Variants in CDKAL1 observed in about 807,000 individuals in gnomAD.
CDKAL1 encodes the protein CDKAL1 threonylcarbamoyladenosine tRNA methylthiotransferase, also known as threonylcarbamoyladenosine tRNA methylthiotransferase.
In CDKAL1, 32 loss-of-function variants were observed where a neutral mutation model predicts 68.2. That is an observed-to-expected ratio of 0.47 (90% CI 0.35 to 0.63). The LOEUF is 0.63. Ranked by LOEUF, CDKAL1 falls within the 30% of genes least tolerant of loss-of-function variation. The probability of loss-of-function intolerance (pLI) is 0.00; values close to 1 mark genes in which losing one functional copy is unlikely to be tolerated. For missense variants in CDKAL1, 606 were observed against 696.7 expected (o/e 0.87, Z 1.47); for synonymous variants, 234 against 244.3 (o/e 0.96, Z 0.39).
At chr6:21,117,395 T>G (rs146678901) in intron 13 of CDKAL1, among the ~76,000 whole-genome samples, 1,592 of 152,004 alleles carry the variant, frequency 0.01, 23 homozygotes, top group African/African-American at 0.036. Flanking sequence ...CCCAGCATTT[T>G]GAGAGGTCAG....
chr6:21,092,989 T>C (rs1271444260), intron 12 of CDKAL1, among the ~76,000 whole-genome samples: 2 of 150,234 alleles, frequency 1.3e-5, no homozygotes, highest in Non-Finnish European at 3.0e-5. Flanking sequence ...AAAGAACAAA[T>C]CTGGGAAGGG....
At chr6:21,043,239 C>T (rs1770031948) in intron 11 of CDKAL1, among the ~76,000 whole-genome samples, 1 of 152,112 alleles carries the variant, frequency 6.6e-6, no homozygotes, top group African/African-American at 2.4e-5. Context: ...GTTAAATTAT[C>T]TGTCAGTTTA....
At chr6:20,687,886 T>C (rs1312769531) in intron 5 of CDKAL1, among the ~76,000 whole-genome samples, 5 of 152,154 alleles carry the variant, frequency 3.3e-5, no homozygotes, top group Non-Finnish European at 7.3e-5. Flanking sequence ...AGGATTTTTT[T>C]TTTTAATTTC....
At chr6:21,003,295 C>G (rs1332106654) in intron 11 of CDKAL1, among the ~76,000 whole-genome samples, 2 of 142,742 alleles carry the variant, frequency 1.4e-5, no homozygotes, top group African/African-American at 5.2e-5. Flanking sequence ...CACCTGAGGT[C>G]AGGAGTTTAA....
chr6:20,870,825 G>A (rs893879464), intron 9 of CDKAL1, among the ~76,000 whole-genome samples: 3 of 152,188 alleles, frequency 2.0e-5, no homozygotes, highest in Non-Finnish European at 4.4e-5. Context: ...TGCATAAATT[G>A]TGAGAAATCA....
At chr6:20,626,907 C>A (rs1053796792) in intron 4 of CDKAL1, among the ~76,000 whole-genome samples, 1 of 152,154 alleles carries the variant, frequency 6.6e-6, no homozygotes, top group Non-Finnish European at 1.5e-5. Context: ...CAGACTGTTT[C>A]ACATGGCCAC....
At chr6:20,937,664 C>T (rs1249848755) in intron 9 of CDKAL1, among the ~76,000 whole-genome samples, 1 of 152,170 alleles carries the variant, frequency 6.6e-6, no homozygotes, top group African/African-American at 2.4e-5. Flanking sequence ...TTTTATAGCA[C>T]CTCTCTCACT....
chr6:21,112,863 T>C (rs75859220), intron 13 of CDKAL1, among the ~76,000 whole-genome samples: 11,696 of 152,268 alleles, frequency 0.077, 513 homozygotes, highest in South Asian at 0.11. Flanking sequence ...AATTATTGTG[T>C]AATTCTCCTC....
intron 11 of CDKAL1, among the ~76,000 whole-genome samples, chr6:21,016,220 C>T (rs991640315): frequency 1.3e-5 from 2 of 151,790 alleles, no homozygotes; most frequent in South Asian, 4.2e-4. Flanking sequence ...CTAATGAACC[C>T]CCTTGATGTC....
At chr6:21,053,342 A>G (rs1311451761) in intron 11 of CDKAL1, among the ~76,000 whole-genome samples, 4 of 152,226 alleles carry the variant, frequency 2.6e-5, no homozygotes, top group Non-Finnish European at 5.9e-5. Flanking sequence ...ACATATGGAT[A>G]TGCCACATTT....
intron 9 of CDKAL1, among the ~76,000 whole-genome samples, chr6:20,895,004 C>T (rs1761602622): frequency 1.3e-5 from 2 of 152,046 alleles, no homozygotes; most frequent in Non-Finnish European, 2.9e-5. Context: ...TCACCTCCTA[C>T]CAGGTTCTCT....
At position 20,918,114 on chromosome 6, in the gene CDKAL1, G is replaced by A. The variant is rs568748325; in HGVS notation, c.743-37305G>A. On this transcript the variant is annotated intron_variant, in intron 9 of 15. Transcript: ENST00000274695. Reference sequence around the variant, plus strand: ...CGACAGCCCAAGACTCTGTTTCGGGGGGAAAAGAGGCGTAAGAGAGCTACC... The same window carrying A: ...CGACAGCCCAAGACTCTGTTTCGGGAGGAAAAGAGGCGTAAGAGAGCTACC... Among the ~76,000 whole-genome samples the A allele has an allele frequency of 3.7e-4, 56 of 152,256 alleles. 1 individual carries two copies. In the South Asian group the frequency reaches 0.011, roughly 31 times the overall value.
chr6:20,750,799 G>C (rs1581505564), intron 6 of CDKAL1, among the ~76,000 whole-genome samples: 1 of 151,460 alleles, frequency 6.6e-6, no homozygotes, highest in African/African-American at 2.4e-5. Context: ...CCCTATCTCT[G>C]CTAAAAATAC....
intron 8 of CDKAL1, among the ~76,000 whole-genome samples, chr6:20,842,943 G>C (rs1778234767): frequency 6.6e-6 from 1 of 152,100 alleles, no homozygotes; most frequent in Non-Finnish European, 1.5e-5. Flanking sequence ...ATTCTTAGTT[G>C]CTTATTTTGA....
intron 11 of CDKAL1, among the ~76,000 whole-genome samples, chr6:21,029,669 A>G (rs768636794): frequency 6.6e-5 from 10 of 152,226 alleles, no homozygotes; most frequent in Non-Finnish European, 1.2e-4. Context: ...TGGGCGAAGG[A>G]TATGAGCAGA....
intron 8 of CDKAL1, among the ~76,000 whole-genome samples, chr6:20,785,716 C>T (rs929117329): frequency 4.6e-5 from 7 of 151,994 alleles, no homozygotes; most frequent in Non-Finnish European, 8.8e-5. Flanking sequence ...GAAAATGAGC[C>T]TTCTCAGTAA....
intron 4 of CDKAL1, among the ~76,000 whole-genome samples, chr6:20,598,488 G>A (rs1015969510): frequency 1.3e-5 from 2 of 152,198 alleles, no homozygotes; most frequent in South Asian, 2.1e-4. Flanking sequence ...TATGGCATAC[G>A]ATACATATCT....
At chr6:21,104,486 G>A (rs1289407087) in intron 12 of CDKAL1, among the ~76,000 whole-genome samples, 1 of 151,152 alleles carries the variant, frequency 6.6e-6, no homozygotes, top group African/African-American at 2.4e-5. Context: ...AATACTTTAG[G>A]ATTTGTGGCT....
rs551887167 is a variant in CDKAL1, at chr6:20,638,699, A to G, written c.287-10594A>G. Among the ~76,000 whole-genome samples, 135 of 151,068 alleles carry G rather than the reference A, an allele frequency of 8.9e-4. 2 individuals carry two copies. Among genetic ancestry groups the G allele is most frequent in the African/African-American group, 3.1e-3 (128 of 41,114 alleles). ...CGATCTCAGCTCACTGCAACCTCCA[A>G]CTCCCTGGTTCAAGCGATTCTCCTC... On this transcript the variant is annotated intron_variant, in intron 4 of 15. Transcript: ENST00000274695.
Sources: gnomAD v4.1 joint callset for allele counts (sites outside exome capture counted in the v4.1 genomes callset) on GRCh38, gnomAD v4.1.1 for gene constraint, MANE v1.5 for transcripts, NCBI Gene and HGNC (gene_info 2026-07-23, HGNC 2026-07-21) for gene names.